Variants in DENND1A observed in about 807,000 individuals in gnomAD.
DENND1A encodes the protein DENN domain-containing protein 1A.
Under a neutral mutation model 113.7 loss-of-function variants are expected in DENND1A, and 51 were observed. The observed-to-expected ratio is 0.45, with a 90% CI of 0.36 to 0.57. The LOEUF is 0.57. Ranked by LOEUF, DENND1A falls within the 20% of genes least tolerant of loss-of-function variation. DENND1A has a pLI of 0.00. For missense variants in DENND1A, 1,258 were observed against 1,395.9 expected (o/e 0.90, Z 1.57); for synonymous variants, 565 against 570.8 (o/e 0.99, Z 0.14).
At chr9:123,513,724 G>A (rs2053640327) in intron 13 of DENND1A, among the ~76,000 whole-genome samples, 1 of 152,218 alleles carries the variant, frequency 6.6e-6, no homozygotes, top group Non-Finnish European at 1.5e-5. Context: ...ACAGGAAGCA[G>A]CTAGCCAGGC....
intron 5 of DENND1A, among the ~76,000 whole-genome samples, chr9:123,752,234 GT>G (rs1410928921): frequency 1.3e-5 from 2 of 152,104 alleles, no homozygotes; most frequent in Admixed American, 6.6e-5. Context: ...CTAGATCTCT[GT>G]GTTCATGTTA....
intron 18 of DENND1A, among the ~76,000 whole-genome samples, chr9:123,449,263 G>T (rs571065983): frequency 6.6e-6 from 1 of 152,184 alleles, no homozygotes; most frequent in Middle Eastern, 3.2e-3. Context: ...CAGGCCAGAC[G>T]CGGTGGCTCA....
chr9:123,387,602 G>A lies in DENND1A; in HGVS notation c.1760+128C>T, dbSNP rs150684109. The A allele has an allele frequency of 7.3e-6, 8 of 1,099,170 alleles. No individual in the cohort carries two copies. The East Asian group carries it at 1.8e-4, about 25-fold the overall frequency. 68.1% of individuals were successfully genotyped at this position (1,099,170 alleles called of 1,614,324 possible). On this transcript the variant is annotated intron_variant, in intron 22 of 23. Coordinates refer to ENST00000394215, the MANE Select transcript of DENND1A (RefSeq NM_001352964.2). The stretch of plus-strand genomic sequence containing the variant: ...CCCTGCATGTTGGCACTGGGGCACC[G>A]GCAGGCAGCAGCTCCAGACACCCTC...
At chr9:123,892,424 A>G (rs1850059920) in intron 1 of DENND1A, among the ~76,000 whole-genome samples, 1 of 152,236 alleles carries the variant, frequency 6.6e-6, no homozygotes, top group African/African-American at 2.4e-5. Context: ...AAAGTAACAT[A>G]GACAAAACAT....
chr9:123,699,848 C>T (rs994737550), intron 5 of DENND1A, among the ~76,000 whole-genome samples: 4 of 152,040 alleles, frequency 2.6e-5, no homozygotes, highest in South Asian at 4.2e-4. Context: ...CAGGCATGTG[C>T]CAACACACCC....
intron 5 of DENND1A, among the ~76,000 whole-genome samples, chr9:123,735,771 G>A (rs2068515967): frequency 6.6e-6 from 1 of 152,192 alleles, no homozygotes; most frequent in Non-Finnish European, 1.5e-5. Flanking sequence ...GGCCAAGATG[G>A]GTGGATCACT....
At chr9:123,925,503 T>C (rs1856947295) in intron 1 of DENND1A, among the ~76,000 whole-genome samples, 1 of 152,152 alleles carries the variant, frequency 6.6e-6, no homozygotes, top group East Asian at 1.9e-4. Flanking sequence ...TTTGTTTTGG[T>C]GGGGAGGGAG....
intron 5 of DENND1A, among the ~76,000 whole-genome samples, chr9:123,698,577 A>G (rs774299234): frequency 6.6e-6 from 1 of 152,222 alleles, no homozygotes; most frequent in African/African-American, 2.4e-5. Flanking sequence ...AATTTCATTT[A>G]AAAATGTCCT....
chr9:123,381,706 G>C lies in DENND1A; in HGVS notation c.2939C>G (p.Ser980Trp), dbSNP rs766530275. 5.8e-6 allele frequency: 9 copies of C among 1,548,754 alleles called. 1 individual carries two copies. In the East Asian group the frequency reaches 2.1e-4, roughly 37 times the overall value. ...GGCCAGGGGCAACGTTCGGATCCTC[G>C]ACGGGGCAACTGCTGGGGGACCCAG... The part of the protein sequence containing the change: ...QPLGPPAVAP[S>W]RIRTLPLARS... The change falls in exon 24 of 24, where the codon TCG becomes TGG. Residue 980 changes from serine (S) to tryptophan (W), a missense_variant. By Grantham distance (177) the Ser-to-Trp change is radical (BLOSUM62 -3). Coordinates refer to ENST00000394215, the MANE Select transcript of DENND1A (RefSeq NM_001352964.2). The surrounding 1 kb of genome is among the most constrained non-coding windows in gnomAD (Gnocchi z 4.7).
chr9:123,626,141 C>G (rs1227402561), intron 10 of DENND1A, among the ~76,000 whole-genome samples: 1 of 152,092 alleles, frequency 6.6e-6, no homozygotes, highest in Non-Finnish European at 1.5e-5. Context: ...GATCCTCCTG[C>G]CTTGGCCTCC....
chr9:123,898,529 A>G (rs1435519919), intron 1 of DENND1A, among the ~76,000 whole-genome samples: 2 of 151,960 alleles, frequency 1.3e-5, no homozygotes, highest in Non-Finnish European at 2.9e-5. Context: ...GGGTCTCCCT[A>G]TTAGCCCAGG....
At chr9:123,806,601 A>C (rs1835619119) in intron 2 of DENND1A, among the ~76,000 whole-genome samples, 1 of 152,188 alleles carries the variant, frequency 6.6e-6, no homozygotes, top group Non-Finnish European at 1.5e-5. Context: ...GTTCAGAGTA[A>C]CTTGTGACAT....
chr9:123,393,995 A>T (rs542692305), intron 21 of DENND1A, among the ~76,000 whole-genome samples: 8 of 50,214 alleles, frequency 1.6e-4, no homozygotes, highest in African/African-American at 6.1e-4. Context: ...TGGGAGCCAG[A>T]CTTTTTTTTT....
At chr9:123,519,217 C>A (rs945356351) in intron 13 of DENND1A, among the ~76,000 whole-genome samples, 1 of 152,204 alleles carries the variant, frequency 6.6e-6, no homozygotes. Flanking sequence ...AATGGTACAT[C>A]GGTCTGTCTC....
chr9:123,679,100 A>G (rs1278186251), intron 5 of DENND1A, among the ~76,000 whole-genome samples: 1 of 152,192 alleles, frequency 6.6e-6, no homozygotes, highest in African/African-American at 2.4e-5. Context: ...GGCAGGGGGG[A>G]AAAGGCAAGA....
intron 5 of DENND1A, among the ~76,000 whole-genome samples, chr9:123,738,558 C>T (rs541015760): frequency 6.6e-6 from 1 of 151,986 alleles, no homozygotes; most frequent in South Asian, 2.1e-4. Flanking sequence ...TTTCTCTTCC[C>T]TCTTTCACCA....
chr9:123,620,679 C>T (rs569498154), intron 10 of DENND1A, among the ~76,000 whole-genome samples: 2 of 152,280 alleles, frequency 1.3e-5, no homozygotes, highest in East Asian at 3.9e-4. Context: ...AATCAACACA[C>T]ATTTGTGTAT....
At chr9:123,830,607 G>A (rs957355418) in intron 2 of DENND1A, among the ~76,000 whole-genome samples, 4 of 152,056 alleles carry the variant, frequency 2.6e-5, no homozygotes, top group Admixed American at 6.6e-5. Flanking sequence ...GCTCACAAGT[G>A]TAATCCCAGC....
At position 123,422,799 on chromosome 9, in the gene DENND1A, G is replaced by T. The variant is rs2045410239; in HGVS notation, c.1489-10970C>A. 6.6e-6 allele frequency among the ~76,000 whole-genome samples: 1 copy of T among 152,184 alleles called. No homozygotes were observed. Among genetic ancestry groups the T allele is most frequent in the Non-Finnish European group, 1.5e-5 (1 of 68,028 alleles). ...GTACTGCTGTGAGATGGGAAAACGT[G>T]TGACATTTTTATTCATGGTGGCGTA... On this transcript the variant is annotated intron_variant, in intron 19 of 23. Coordinates refer to ENST00000394215, the MANE Select transcript of DENND1A (RefSeq NM_001352964.2). The surrounding 1 kb of genome is among the most constrained non-coding windows in gnomAD (Gnocchi z 4.8).
Sources: allele counts gnomAD v4.1 joint callset (sites outside exome capture counted in the v4.1 genomes callset), GRCh38; gene constraint gnomAD v4.1.1; non-coding constraint Gnocchi (gnomAD v3.1); transcripts MANE v1.5; gene names NCBI Gene and HGNC (gene_info 2026-07-23, HGNC 2026-07-21).